Variants in NOL10 observed in about 807,000 individuals in gnomAD.
NOL10 encodes the protein nucleolar protein 10.
A neutral mutation model predicts 103.5 loss-of-function variants in NOL10; 58 were observed. The ratio of observed to expected loss-of-function variants is 0.56; its 90% confidence interval spans 0.45 to 0.70. The LOEUF is 0.70. NOL10 is among the 30% of genes least tolerant of loss of function. The probability of loss-of-function intolerance (pLI) is 0.00; values close to 1 mark genes in which losing one functional copy is unlikely to be tolerated. For synonymous variants in NOL10, 287 were observed against 282.5 expected (o/e 1.02, Z -0.16); for missense variants, 763 against 807.3 (o/e 0.95, Z 0.67).
intron 13 of NOL10, among the ~76,000 whole-genome samples, chr2:10,621,181 C>G (rs578171471): frequency 2.6e-5 from 4 of 152,084 alleles, no homozygotes; most frequent in African/African-American, 7.2e-5. Flanking sequence ...ATATGAAGAG[C>G]TTTATTTAAA....
chr2:10,617,973 T>C (rs1676918659), intron 13 of NOL10, among the ~76,000 whole-genome samples: 1 of 151,492 alleles, frequency 6.6e-6, no homozygotes, highest in South Asian at 2.1e-4. Context: ...TTCTGGTTAG[T>C]GTGACACAAC....
At chr2:10,617,350 G>A (rs909476435) in intron 13 of NOL10, among the ~76,000 whole-genome samples, 1 of 151,926 alleles carries the variant, frequency 6.6e-6, no homozygotes, top group African/African-American at 2.4e-5. Context: ...GAGGCTGGGC[G>A]ACTGACTGGT....
In NOL10 at chr2:10,596,253, TG is replaced by T. The variant is rs1469968902; in HGVS notation, c.1422+4599del. On this transcript the variant is annotated intron_variant, in intron 17 of 20. Coordinates refer to ENST00000381685, the MANE Select transcript of NOL10 (RefSeq NM_024894.4). ...CGGAAGACAAGTTTTCCACAGATGG[TG>T]GTGGGGGGCGGGGGGCGGGCGCGAG... Among the ~76,000 whole-genome samples, 3 of 17,812 alleles carry T rather than the reference TG, an allele frequency of 1.7e-4. 1 individual carries two copies. The highest frequency in any genetic ancestry group is 1.5e-3 in the African/African-American group (3 of 2,058). The allele number at this position is 17,812 out of a possible 152,430, so 11.7% of individuals were successfully genotyped here.
At chr2:10,609,867 A>G (rs1676461677) in intron 13 of NOL10, among the ~76,000 whole-genome samples, 1 of 152,216 alleles carries the variant, frequency 6.6e-6, no homozygotes. Flanking sequence ...GAGGAGAGAC[A>G]TCTGTTTTGT....
At chr2:10,595,231 G>A (rs1044090241) in intron 17 of NOL10, among the ~76,000 whole-genome samples, 1 of 151,700 alleles carries the variant, frequency 6.6e-6, no homozygotes, top group Non-Finnish European at 1.5e-5. Context: ...CTGAGAAGAG[G>A]TGAAAATGGA....
At chr2:10,594,395 T>C (rs1286394306) in intron 17 of NOL10, among the ~76,000 whole-genome samples, 2 of 152,134 alleles carry the variant, frequency 1.3e-5, no homozygotes, top group Non-Finnish European at 2.9e-5. Context: ...CTGTCCAACA[T>C]GGGCTGAGGT....
chr2:10,628,149 T>C (rs191231992), intron 13 of NOL10, among the ~76,000 whole-genome samples: 2 of 152,332 alleles, frequency 1.3e-5, no homozygotes, highest in Admixed American at 6.5e-5. Flanking sequence ...CTTTCTTGCA[T>C]GATCTTACTC....
chr2:10,593,888 G>A (rs1199624706), intron 17 of NOL10, among the ~76,000 whole-genome samples: 1 of 152,160 alleles, frequency 6.6e-6, no homozygotes, highest in Non-Finnish European at 1.5e-5. Flanking sequence ...CCAAGCAGGA[G>A]GACCTGACCA....
At chr2:10,629,541 C>T (rs1677699863) in intron 13 of NOL10, among the ~76,000 whole-genome samples, 1 of 152,116 alleles carries the variant, frequency 6.6e-6, no homozygotes, top group African/African-American at 2.4e-5. Flanking sequence ...TTTTCTTCTA[C>T]TCATCTGTAT....
chr2:10,671,428 C>G, intron 6 of NOL10, 126 bp downstream of exon 6: 1 of 379,726 alleles, frequency 2.6e-6, no homozygotes, highest in South Asian at 1.0e-4. Context: ...TTTTTTTTTA[C>G]AAGAGCCACG....
intron 8 of NOL10, among the ~76,000 whole-genome samples, chr2:10,664,061 C>G (rs1340868599): frequency 1.3e-5 from 2 of 151,364 alleles, no homozygotes; most frequent in Non-Finnish European, 2.9e-5. Flanking sequence ...GCAGAGGCTA[C>G]AGCGAGCTGA....
Position 10,587,269 on chromosome 2 carries a change from A to T in NOL10, c.1844+1774T>A, listed in dbSNP as rs1229132014. ...CATATATATATATACACATATATAT[A>T]TATATATTTTTTTTTTTTTTGAGAT... is the stretch of plus-strand genomic sequence containing the variant. On this transcript the variant is annotated intron_variant, in intron 19 of 20. Transcript: ENST00000381685. 2.4e-3 allele frequency among the ~76,000 whole-genome samples: 55 copies of T among 22,710 alleles called. 7 individuals are homozygous for T. The highest frequency in any genetic ancestry group is 3.6e-3 in the Admixed American group (7 of 1,936). 14.9% of individuals were successfully genotyped at this position (22,710 alleles called of 152,430 possible).
chr2:10,621,310 A>G (rs1572308299), intron 13 of NOL10, among the ~76,000 whole-genome samples: 1 of 152,126 alleles, frequency 6.6e-6, no homozygotes, highest in African/African-American at 2.4e-5. Context: ...CAAAAATTTA[A>G]CTTTGGGATG....
intron 7 of NOL10, 127 bp downstream of exon 7, chr2:10,668,531 T>G (rs1680698894): frequency 1.4e-5 from 6 of 423,048 alleles, no homozygotes; most frequent in Non-Finnish European, 2.6e-5. Flanking sequence ...AATTCAACAG[T>G]ACTTTTTAAC....
In NOL10 at chr2:10,635,026, A is replaced by AT. The variant is rs546598425; in HGVS notation, c.1026+9293dup. 2.5e-3 allele frequency among the ~76,000 whole-genome samples: 372 copies of AT among 149,752 alleles called. 1 individual carries two copies. Among genetic ancestry groups the AT allele is most frequent in the Middle Eastern group, 6.9e-3 (2 of 288 alleles). ...AGATCAGAAGGATTTTAAATTTTTG[A>AT]TTTTTTTTTTGGCTTTTGGAACATT... On this transcript the variant is annotated intron_variant, in intron 13 of 20. Coordinates refer to ENST00000381685, the MANE Select transcript of NOL10 (RefSeq NM_024894.4).
intron 13 of NOL10, among the ~76,000 whole-genome samples, chr2:10,621,649 A>C (rs1024269998): frequency 4.6e-5 from 7 of 152,212 alleles, no homozygotes; most frequent in Non-Finnish European, 8.8e-5. Context: ...AGACAAAAGG[A>C]GATGCACAGT....
Position 10,663,060 on chromosome 2 carries a change from A to G in NOL10, c.592-16T>C, listed in dbSNP as rs539444932. 9.3e-6 allele frequency: 15 copies of G among 1,608,318 alleles called. No homozygotes were observed. In the African/African-American group the frequency reaches 2.0e-4, roughly 21 times the overall value. On this transcript the variant is annotated splice_polypyrimidine_tract_variant and intron_variant, in intron 8 of 20. Transcript: ENST00000381685. ...CCACTCTACCCTATGCAAATGAAAA[A>G]CAATTTTAAATAAAAGCTGTAGAAG...
intron 13 of NOL10, among the ~76,000 whole-genome samples, chr2:10,621,228 A>T (rs994400255): frequency 1.3e-5 from 2 of 152,232 alleles, no homozygotes; most frequent in Non-Finnish European, 2.9e-5. Flanking sequence ...TAAACTCATA[A>T]GGAAAAGAAA....
chr2:10,676,697 G>A (rs1167122105), intron 3 of NOL10, among the ~76,000 whole-genome samples: 1 of 151,144 alleles, frequency 6.6e-6, no homozygotes, highest in Non-Finnish European at 1.5e-5. Flanking sequence ...GGGTGCAATG[G>A]CGTGATCTCG....
Sources: allele counts gnomAD v4.1 joint callset (sites outside exome capture counted in the v4.1 genomes callset), GRCh38; gene constraint gnomAD v4.1.1; transcripts MANE v1.5; gene names NCBI Gene and HGNC (gene_info 2026-07-23, HGNC 2026-07-21).